Variants in PDE7B observed in about 807,000 individuals in gnomAD.
PDE7B encodes the protein 3',5'-cyclic-AMP phosphodiesterase 7B.
PDE7B carries 29 observed loss-of-function variants against 56.2 expected under a neutral mutation model. The ratio of observed to expected loss-of-function variants is 0.52; its 90% CI spans 0.38 to 0.70. The LOEUF is 0.70. Ranked by LOEUF, PDE7B falls within the 30% of genes least tolerant of loss-of-function variation. The pLI, the probability that PDE7B is intolerant of heterozygous loss-of-function variation, is 0.00. For missense variants in PDE7B, 490 were observed against 565.0 expected, an observed-to-expected ratio of 0.87 and a Z score of 1.35; for synonymous variants, 197 against 196.9, an observed-to-expected ratio of 1.00 and a Z score of 0.00.
At chr6:136,043,415 T>G (rs773251746) in intron 2 of PDE7B, among the ~76,000 whole-genome samples, 1 of 151,998 alleles carries the variant, frequency 6.6e-6, no homozygotes, top group African/African-American at 2.4e-5. Flanking sequence ...GTTGCAATGT[T>G]GAGATCTTAA....
At chr6:135,905,580 T>C (rs867381462) in intron 1 of PDE7B, among the ~76,000 whole-genome samples, 47 of 152,310 alleles carry the variant, frequency 3.1e-4, no homozygotes, top group African/African-American at 1.1e-3. Context: ...TATTGTAATT[T>C]ATAAAAATAT....
At chr6:135,856,747 C>T (rs776030449) in intron 1 of PDE7B, among the ~76,000 whole-genome samples, 2 of 151,972 alleles carry the variant, frequency 1.3e-5, no homozygotes, top group South Asian at 4.2e-4. Context: ...CTAAAAACAA[C>T]GTAACAGAAA....
At chr6:136,182,964 C>T (rs546118292) in intron 11 of PDE7B, among the ~76,000 whole-genome samples, 3 of 148,696 alleles carry the variant, frequency 2.0e-5, no homozygotes, top group African/African-American at 2.5e-5. Flanking sequence ...CCCAGCTACT[C>T]GGGAGGCTGA....
At chr6:136,167,156 CTA>C (rs886499356) in intron 8 of PDE7B, among the ~76,000 whole-genome samples, 2 of 152,178 alleles carry the variant, frequency 1.3e-5, no homozygotes, top group Non-Finnish European at 2.9e-5. Flanking sequence ...CCAGCCCTGA[CTA>C]TATCTGAAAG....
At chr6:136,038,361 T>C in intron 2 of PDE7B, 1 of 1,291,906 alleles carries the variant, frequency 7.7e-7, no homozygotes, top group Non-Finnish European at 1.0e-6. Flanking sequence ...GAAGGTGTGC[T>C]GCCCTCCTCC....
intron 8 of PDE7B, among the ~76,000 whole-genome samples, chr6:136,164,905 T>G (rs1380205471): frequency 3.3e-5 from 5 of 152,212 alleles, no homozygotes; most frequent in Admixed American, 6.5e-5. Flanking sequence ...CCATTGTTAT[T>G]AGGTTCCCTT....
chr6:135,985,106 C>G (rs910435159), intron 2 of PDE7B, among the ~76,000 whole-genome samples: 2 of 152,160 alleles, frequency 1.3e-5, no homozygotes, highest in Non-Finnish European at 2.9e-5. Context: ...GTCTGAGCAC[C>G]AGACTTTACA....
At chr6:136,171,550 C>A (rs1325510117) in intron 8 of PDE7B, among the ~76,000 whole-genome samples, 1 of 152,116 alleles carries the variant, frequency 6.6e-6, no homozygotes, top group East Asian at 1.9e-4. Flanking sequence ...TGAGGCTTGC[C>A]TCCATTCAGT....
chr6:136,108,140 A>AAG (rs1554280189), intron 2 of PDE7B, among the ~76,000 whole-genome samples: 22 of 150,180 alleles, frequency 1.5e-4, no homozygotes, highest in African/African-American at 4.4e-4. Flanking sequence ...AAAAAAAAAA[A>AAG]AAAGAAAGAA....
chr6:135,860,854 T>TA (rs758502472), intron 1 of PDE7B, among the ~76,000 whole-genome samples: 1 of 151,902 alleles, frequency 6.6e-6, no homozygotes, highest in Non-Finnish European at 1.5e-5. Context: ...TTTTTTTTTT[T>TA]ACTTTCTGAA....
chr6:136,180,294 C>T (rs966280843), intron 10 of PDE7B, among the ~76,000 whole-genome samples: 3 of 152,226 alleles, frequency 2.0e-5, no homozygotes, highest in African/African-American at 7.2e-5. Context: ...ATTTGAGTGA[C>T]TAAAGCCAAG....
chr6:136,032,439 G>C (rs1446935441), intron 2 of PDE7B, among the ~76,000 whole-genome samples: 1 of 152,126 alleles, frequency 6.6e-6, no homozygotes, highest in Non-Finnish European at 1.5e-5. Context: ...CACTTACAAA[G>C]AATATTTATC....
At chr6:136,130,689 A>G (rs1778102944) in intron 3 of PDE7B, among the ~76,000 whole-genome samples, 1 of 152,118 alleles carries the variant, frequency 6.6e-6, no homozygotes, top group African/African-American at 2.4e-5. Context: ...ACTCACTTAA[A>G]TCTTCTTGTA....
At chr6:136,096,398 A>ATAT (rs1295622993) in intron 2 of PDE7B, 1 of 151,532 alleles carries the variant, frequency 6.6e-6, no homozygotes, top group African/African-American at 2.4e-5. Context: ...ATTATCCATG[A>ATAT]TATTGGGATC....
At chr6:136,179,721 C>T (rs752822934) in intron 10 of PDE7B, among the ~76,000 whole-genome samples, 21 of 152,172 alleles carry the variant, frequency 1.4e-4, no homozygotes, top group Non-Finnish European at 2.9e-4. Context: ...AATTGGAAAA[C>T]AAGTGACCTC....
At chr6:136,114,814 A>G (rs764169496) in intron 3 of PDE7B, 2 of 152,134 alleles carry the variant, frequency 1.3e-5, no homozygotes, top group Admixed American at 6.5e-5. Context: ...AAAGTTCAAT[A>G]TTTACCTTCC....
intron 1 of PDE7B, among the ~76,000 whole-genome samples, chr6:135,918,348 A>G (rs1361275621): frequency 6.6e-6 from 1 of 152,166 alleles, no homozygotes; most frequent in Non-Finnish European, 1.5e-5. Context: ...CAGTTTTGTA[A>G]TAGTTTATGG....
intron 1 of PDE7B, among the ~76,000 whole-genome samples, chr6:135,852,826 C>T (rs958474495): frequency 1.3e-5 from 2 of 152,160 alleles, no homozygotes; most frequent in Non-Finnish European, 2.9e-5. Context: ...ACTAATTAAT[C>T]ATTTAAAAAT....
chr6:135,952,391 CG>C (rs1774718686), intron 2 of PDE7B, among the ~76,000 whole-genome samples: 2 of 152,042 alleles, frequency 1.3e-5, no homozygotes, highest in Non-Finnish European at 2.9e-5. Flanking sequence ...CAGGGTAGAA[CG>C]AGACCTTCAT....
Sources: allele counts gnomAD v4.1 joint callset (sites outside exome capture counted in the v4.1 genomes callset), GRCh38; gene constraint gnomAD v4.1.1; transcripts MANE v1.5; gene names NCBI Gene and HGNC (gene_info 2026-07-23, HGNC 2026-07-21).